Variants in GALNT18 observed in about 807,000 individuals in gnomAD.
GALNT18 encodes GalNAc-transferase 18.
Under a neutral mutation model 69.5 loss-of-function variants are expected in GALNT18, and 44 were observed. The ratio of observed to expected loss-of-function variants is 0.63; its 90% CI spans 0.50 to 0.81. The LOEUF (loss-of-function observed/expected upper bound fraction) is 0.81. Among genes scored for constraint, GALNT18 ranks in the 40% least tolerant of loss-of-function variants. The pLI, the probability that GALNT18 is intolerant of heterozygous loss-of-function variation, is 0.00. For missense variants in GALNT18, 715 were observed against 810.0 expected (o/e 0.88, Z 1.42); for synonymous variants, 364 against 318.2 (o/e 1.14, Z -1.53).
chr11:11,392,290 G>A (rs1021741378), intron 3 of GALNT18, among the ~76,000 whole-genome samples: 13 of 152,138 alleles, frequency 8.5e-5, no homozygotes, highest in African/African-American at 2.9e-4. Flanking sequence ...TGGAAAATAC[G>A]CAGAAAAAAG....
chr11:11,274,805 G>C (rs569975121), intron 10 of GALNT18, among the ~76,000 whole-genome samples: 24 of 152,240 alleles, frequency 1.6e-4, no homozygotes, highest in African/African-American at 5.8e-4. Context: ...GTGGTGTTTG[G>C]TTTTCTGTTC....
At chr11:11,303,867 C>T (rs1457510780) in intron 9 of GALNT18, among the ~76,000 whole-genome samples, 3 of 152,222 alleles carry the variant, frequency 2.0e-5, no homozygotes, top group African/African-American at 7.2e-5. Flanking sequence ...GTGAAAAGCA[C>T]ATTTCATCCT....
intron 3 of GALNT18, among the ~76,000 whole-genome samples, chr11:11,403,370 A>G (rs762120311): frequency 7.2e-5 from 11 of 152,200 alleles, no homozygotes; most frequent in Non-Finnish European, 1.2e-4. Flanking sequence ...TCTCAAGTAT[A>G]CAAGAAATCT....
intron 10 of GALNT18, among the ~76,000 whole-genome samples, chr11:11,275,497 CTGA>C (rs1266586099): frequency 6.6e-6 from 1 of 152,196 alleles, no homozygotes; most frequent in Non-Finnish European, 1.5e-5. Context: ...CCTGTTCACT[CTGA>C]TGATTTCTCT....
chr11:11,372,751 G>T lies in GALNT18; in HGVS notation c.978-122C>A. ...CTTCCTTTGCTGCCAGAGCCAGTGT[G>T]AGCCTTGTTCTTGGAGTGGCCCCTG... On this transcript the variant is annotated intron_variant, in intron 5 of 10. Coordinates refer to ENST00000227756, the MANE Select transcript of GALNT18 (RefSeq NM_198516.3). This position sits in a 1 kb window ranked among gnomAD's most constrained non-coding sequence, Gnocchi z 4.9. 1 of 791,248 alleles carries T rather than the reference G, an allele frequency of 1.3e-6. No individual in the cohort carries two copies. Among genetic ancestry groups the T allele is most frequent in the Non-Finnish European group, 2.1e-6 (1 of 479,320 alleles). The allele number at this position is 791,248 out of a possible 1,614,324, so 49.0% of individuals were successfully genotyped here.
rs183290359 is a variant in GALNT18, at chr11:11,578,894, C to G, written c.235+42465G>C. On this transcript the variant is annotated intron_variant, in intron 1 of 10. Transcript: ENST00000227756. The stretch of plus-strand genomic sequence containing the variant: ...TGTGCCTTGTTAGAAATGGAAAGGG[C>G]TATGTCAGCAGCGAAGAACTTGAGG... Among the ~76,000 whole-genome samples the G allele has an allele frequency of 1.3e-4, 20 of 152,336 alleles. No homozygotes were observed. In the East Asian group the frequency reaches 3.9e-3, roughly 29 times the overall value.
rs191304898 is a variant in GALNT18 at position 11,496,307 on chromosome 11, A to G, written c.236-47371T>C. 2.0e-4 allele frequency among the ~76,000 whole-genome samples: 30 copies of G among 152,256 alleles called. No homozygotes were observed. The East Asian group carries it at 5.2e-3, about 27-fold the overall frequency. On this transcript the variant is annotated intron_variant, in intron 1 of 10. Transcript: ENST00000227756. This position sits in a 1 kb window ranked among gnomAD's most constrained non-coding sequence, Gnocchi z 4.0. ...CCTCTTCTGTGGTTCACCTATCACC[A>G]AAAACCCTAGCATCAGCAACACTCC...
rs567832511 is a variant in GALNT18 at position 11,315,644 on chromosome 11, C to A, written c.1512+11442G>T. Among the ~76,000 whole-genome samples the A allele has an allele frequency of 5.9e-5, 9 of 152,308 alleles. No individual in the cohort carries two copies. The highest frequency in any genetic ancestry group is 2.2e-4 in the African/African-American group (9 of 41,580). ...ACATGTGGGGCACCGGGTCAGGCAT[C>A]ATGGCATACAGGCCATCACATCCCT... On this transcript the variant is annotated intron_variant, in intron 9 of 10. Coordinates refer to ENST00000227756, the MANE Select transcript of GALNT18 (RefSeq NM_198516.3). This position sits in a 1 kb window ranked among gnomAD's most constrained non-coding sequence, Gnocchi z 5.6.
chr11:11,301,565 C>T (rs564409437), intron 9 of GALNT18, among the ~76,000 whole-genome samples: 8 of 152,252 alleles, frequency 5.3e-5, no homozygotes, highest in South Asian at 2.1e-4. Flanking sequence ...ATTAGTGTGA[C>T]GACATACATG....
chr11:11,294,626 CAT>C lies in GALNT18; in HGVS notation c.1513-1435_1513-1434del, dbSNP rs1486323662. Among the ~76,000 whole-genome samples, 32 of 128,168 alleles carry C rather than the reference CAT, an allele frequency of 2.5e-4. No homozygotes were observed. In the East Asian group the frequency reaches 6.1e-3, roughly 25 times the overall value. The allele number at this position is 128,168 out of a possible 152,430, so 84.1% of individuals were successfully genotyped here. On this transcript the variant is annotated intron_variant, in intron 9 of 10. Coordinates refer to ENST00000227756, the MANE Select transcript of GALNT18 (RefSeq NM_198516.3). Reference sequence around the variant, plus strand: ...ACATCCCAGAAAAAAAAAAAAAAAACATAAACAAATGGCTGTGTTTCATTAAC... The same window carrying C: ...ACATCCCAGAAAAAAAAAAAAAAAACAAACAAATGGCTGTGTTTCATTAAC...
chr11:11,556,540 T>C (rs1858337131), intron 1 of GALNT18, among the ~76,000 whole-genome samples: 1 of 152,238 alleles, frequency 6.6e-6, no homozygotes, highest in African/African-American at 2.4e-5. Flanking sequence ...ATCTAACTTC[T>C]CACTGGCTCC....
intron 9 of GALNT18, among the ~76,000 whole-genome samples, chr11:11,313,309 G>T (rs1456866262): frequency 6.6e-6 from 1 of 152,138 alleles, no homozygotes; most frequent in Non-Finnish European, 1.5e-5. Flanking sequence ...TTCAAGCCCA[G>T]GGTGGATGGG....
chr11:11,502,913 C>T (rs1342757640), intron 1 of GALNT18, among the ~76,000 whole-genome samples: 1 of 152,188 alleles, frequency 6.6e-6, no homozygotes, highest in East Asian at 1.9e-4. Flanking sequence ...AAAGGAAGCA[C>T]AGTCACTCAT....
chr11:11,327,865 C>T (rs1485344148), intron 8 of GALNT18, among the ~76,000 whole-genome samples: 2 of 152,220 alleles, frequency 1.3e-5, no homozygotes, highest in Non-Finnish European at 2.9e-5. Flanking sequence ...AAGGGCAGCC[C>T]ATAGACCTCA....
rs376267790 is a variant in GALNT18 at position 11,506,756 on chromosome 11, C to G, written c.236-57820G>C. ...ATACTGAGGGGACAAAACTTCCAGT[C>G]AATGGGCAAGAAAATAACTCCAAAG... On this transcript the variant is annotated intron_variant, in intron 1 of 10. Coordinates refer to ENST00000227756, the MANE Select transcript of GALNT18 (RefSeq NM_198516.3). 1.4e-4 allele frequency among the ~76,000 whole-genome samples: 21 copies of G among 152,274 alleles called. No individual in the cohort carries two copies. The East Asian group carries it at 3.1e-3, about 22-fold the overall frequency.
chr11:11,327,032 A>G (rs1590039376), intron 9 of GALNT18, 54 bp downstream of exon 9: 1 of 1,284,776 alleles, frequency 7.8e-7, no homozygotes, highest in Non-Finnish European at 1.1e-6. Context: ...CTCCTTCCCC[A>G]TGCCAGGCAC....
rs1047812465 is a variant in GALNT18, at chr11:11,430,711, G to T, written c.595+1910C>A. 2.6e-5 allele frequency among the ~76,000 whole-genome samples: 4 copies of T among 152,184 alleles called. No individual in the cohort carries two copies. The highest frequency in any genetic ancestry group is 9.7e-5 in the African/African-American group (4 of 41,446). ...CCCCTCTGTTGGCCCGCCTGCCCAT[G>T]GCTTCTCAGCCAAATGGTCCAACAG... On this transcript the variant is annotated intron_variant, in intron 3 of 10. Coordinates refer to ENST00000227756, the MANE Select transcript of GALNT18 (RefSeq NM_198516.3). This position sits in a 1 kb window ranked among gnomAD's most constrained non-coding sequence, Gnocchi z 4.9.
At chr11:11,445,789 T>C (rs1476882591) in intron 2 of GALNT18, among the ~76,000 whole-genome samples, 6 of 152,184 alleles carry the variant, frequency 3.9e-5, no homozygotes, top group Admixed American at 6.5e-5. Context: ...CAGAAGTTGC[T>C]TGGTGCCACG....
intron 6 of GALNT18, among the ~76,000 whole-genome samples, chr11:11,368,519 C>T (rs1015489720): frequency 6.6e-6 from 1 of 152,162 alleles, no homozygotes; most frequent in Admixed American, 6.5e-5. Context: ...TGTCTTTCAA[C>T]ATTTTTTCAC....
Sources: gnomAD v4.1 joint callset for allele counts (sites outside exome capture counted in the v4.1 genomes callset) on GRCh38, gnomAD v4.1.1 for gene constraint, Gnocchi (gnomAD v3.1) non-coding constraint, MANE v1.5 for transcripts, NCBI Gene and HGNC (gene_info 2026-07-23, HGNC 2026-07-21) for gene names.